GOLGA6L2: variants seen among roughly 807,000 people sequenced by gnomAD.
The protein encoded by GOLGA6L2 is golgin subfamily A member 6-like protein 2.
GOLGA6L2 carries 30 observed loss-of-function variants against 35.9 expected under a neutral mutation model. The ratio of observed to expected loss-of-function variants is 0.83; its 90% CI spans 0.62 to 1.13. The LOEUF (loss-of-function observed/expected upper bound fraction) is 1.13, where lower values mean the gene tolerates loss of function less well. Ranked by LOEUF, GOLGA6L2 falls within the 50% of genes most tolerant of loss-of-function variation. The pLI, the probability that GOLGA6L2 is intolerant of heterozygous loss-of-function variation, is 0.00. For missense variants in GOLGA6L2, 821 were observed against 973.4 expected (o/e 0.84, Z 2.08); for synonymous variants, 297 against 344.0 (o/e 0.86, Z 1.51).
In GOLGA6L2 at chr15:23,443,550, G is replaced by A. The variant is rs2070722417; in HGVS notation, c.591+227C>T. On this transcript the variant is annotated intron_variant, in intron 5 of 7. Transcript: ENST00000567107. ...CAAGTATGGGCAGGGCAGGCTCTTG[G>A]CCTTGGAGCTCTGTGTCCAGTGCTC... 5.3e-5 allele frequency among the ~76,000 whole-genome samples: 8 copies of A among 152,292 alleles called. No individual in the cohort carries two copies. The South Asian group carries it at 1.7e-3, about 32-fold the overall frequency.
At position 23,441,499 on chromosome 15, in the gene GOLGA6L2, G is replaced by A; in HGVS notation, c.976C>T (p.Gln326Ter). 1.4e-6 allele frequency: 2 copies of A among 1,398,400 alleles called. No homozygotes were observed. The highest frequency in any genetic ancestry group is 9.6e-7 in the Non-Finnish European group (1 of 1,046,648). 86.6% of individuals were successfully genotyped at this position (1,398,400 alleles called of 1,614,324 possible). The change falls in exon 8 of 8, where the codon CAG (glutamine) becomes TAG (stop). Residue 326 changes from glutamine (Q) to a stop codon, truncating the protein, a stop_gained. Coordinates refer to ENST00000567107, the MANE Select transcript of GOLGA6L2 (RefSeq NM_001304388.2). LOFTEE classifies it low-confidence loss of function (END_TRUNC). ...TCCTGCTCCCGCAGCTCCTTCTCCT[G>A]CTCTCGCAGCCTCTTCTCCTGTCTC... is the stretch of plus-strand genomic sequence containing the variant. ...MRRQEKRLRE[Q>*]EKELREQEKE...
intron 7 of GOLGA6L2, 65 bp from the exon 8 acceptor site, chr15:23,441,747 C>G (rs1346586182): frequency 7.0e-7 from 1 of 1,426,586 alleles, no homozygotes; most frequent in Non-Finnish European, 9.2e-7. Context: ...CAGTTTTCAT[C>G]TATGATTCTT....
At position 23,439,679 on chromosome 15, in the gene GOLGA6L2, T is replaced by C. The variant is rs768195341; in HGVS notation, c.*66A>G. ...CTGCATGATCTCCTGTGCAGTGGGG[T>C]TGTCCTGCGGAGAACCCTCCCCAGC... is the stretch of plus-strand genomic sequence containing the variant. On this transcript the variant is annotated 3_prime_UTR_variant, in exon 8 of 8. Transcript: ENST00000567107. 2.4e-5 allele frequency: 37 copies of C among 1,537,220 alleles called. 1 individual carries two copies. The African/African-American group carries it at 4.5e-4, about 19-fold the overall frequency.
Position 23,440,543 on chromosome 15 carries a change from TC to T in GOLGA6L2, c.1931del (p.Gly644GlufsTer334). ...GAGEEDAGGGGDDAGAGGEDA... is the reference protein window; with the variant it reads ...GAGEEDAGGGXDDAGAGGEDA... ...CTTCTCCTCCTGCTCCCGCATCATC[TC>T]CTCCTCCTCCCGCATCTTCTTCTCC... On this transcript the variant is annotated frameshift_variant, in exon 8 of 8. Transcript: ENST00000567107. LOFTEE classifies it low-confidence loss of function (END_TRUNC). 1 of 1,258,422 alleles carries T rather than the reference TC, an allele frequency of 7.9e-7. No individual in the cohort carries two copies. The allele number at this position is 1,258,422 out of a possible 1,614,324, so 78.0% of individuals were successfully genotyped here.
At position 23,439,467 on chromosome 15, in the gene GOLGA6L2, A is replaced by G; in HGVS notation, c.*278T>C. 1.6e-6 allele frequency: 1 copy of G among 609,260 alleles called. No individual in the cohort carries two copies. The highest frequency in any genetic ancestry group is 2.4e-6 in the Non-Finnish European group (1 of 409,446). The allele number at this position is 609,260 out of a possible 1,614,324, so 37.7% of individuals were successfully genotyped here. ...CTTTTCTTTTTTTTTTTTTTTTTCAAGTTTGTGCTCAGACTATATTCACAC... is the reference window on the plus strand; with the variant it reads ...CTTTTCTTTTTTTTTTTTTTTTTCAGGTTTGTGCTCAGACTATATTCACAC... On this transcript the variant is annotated 3_prime_UTR_variant, in exon 8 of 8. Transcript: ENST00000567107.
intron 3 of GOLGA6L2, 36 bp from the exon 4 acceptor site, chr15:23,444,248 G>T (rs763636293): frequency 5.0e-6 from 8 of 1,595,844 alleles, no homozygotes; most frequent in East Asian, 2.2e-5. Flanking sequence ...TTACTAGGGG[G>T]AGGCAGAGAT....
chr15:23,446,388 G>T (rs1314482372), intron 1 of GOLGA6L2, among the ~76,000 whole-genome samples: 1 of 152,148 alleles, frequency 6.6e-6, no homozygotes. Context: ...AGGTCACATG[G>T]TCCCTACTCC....
In GOLGA6L2 at chr15:23,443,809, C is replaced by A. The variant is rs191130285; in HGVS notation, c.559G>T (p.Ala187Ser). The change falls in exon 5 of 8, where the codon GCT becomes TCT. Residue 187 changes from alanine (A) to serine (S), a missense_variant. Ala to Ser is a moderately conservative substitution (Grantham distance 99). This residue lies in a region of GOLGA6L2 where 614 missense variants were observed against 632.3 expected (regional missense o/e 0.97). Coordinates refer to ENST00000567107, the MANE Select transcript of GOLGA6L2 (RefSeq NM_001304388.2). ...FAGELQRALS[A>S]VSTWHKKADR... Reference sequence around the variant, plus strand: ...GCCTTCTTGTGCCATGTGGACACAGCAGAGAGAGCCCGCTGTAACTCTCCT... The same window carrying A: ...GCCTTCTTGTGCCATGTGGACACAGAAGAGAGAGCCCGCTGTAACTCTCCT... 1 of 1,539,200 alleles carries A rather than the reference C, an allele frequency of 6.5e-7. No homozygotes were observed. Among genetic ancestry groups the A allele is most frequent in the Non-Finnish European group, 8.7e-7 (1 of 1,148,638 alleles).
At chr15:23,443,533 G>C (rs1161988871) in intron 5 of GOLGA6L2, among the ~76,000 whole-genome samples, 1 of 152,148 alleles carries the variant, frequency 6.6e-6, no homozygotes, top group Non-Finnish European at 1.5e-5. Context: ...GCCAAGTATG[G>C]GCAGGGCAGG....
Position 23,443,401 on chromosome 15 carries a change from C to T in GOLGA6L2, c.591+376G>A, listed in dbSNP as rs566196388. Reference sequence around the variant, plus strand: ...GTACACACACACACACACACACACACGCACATGCACACTTATGTGTGTTCC... The same window carrying T: ...GTACACACACACACACACACACACATGCACATGCACACTTATGTGTGTTCC... On this transcript the variant is annotated intron_variant, in intron 5 of 7. Coordinates refer to ENST00000567107, the MANE Select transcript of GOLGA6L2 (RefSeq NM_001304388.2). Among the ~76,000 whole-genome samples the T allele has an allele frequency of 6.1e-3, 925 of 151,824 alleles. 8 individuals carry two copies. The highest frequency in any genetic ancestry group is 0.021 in the African/African-American group (870 of 41,412).
rs1219656027 is a variant in GOLGA6L2, at chr15:23,440,827, C to A, written c.1648G>T (p.Glu550Ter). 3 of 1,520,790 alleles carry A rather than the reference C, an allele frequency of 2.0e-6. No homozygotes were observed. Among genetic ancestry groups the A allele is most frequent in the East Asian group, 5.0e-5 (2 of 39,780 alleles). 94.2% of individuals were successfully genotyped at this position (1,520,790 alleles called of 1,614,324 possible). Residue 550 changes from glutamate (E) to a stop codon, truncating the protein, a stop_gained, in exon 8 of 8, where the codon GAG becomes TAG. Coordinates refer to ENST00000567107, the MANE Select transcript of GOLGA6L2 (RefSeq NM_001304388.2). LOFTEE classifies it low-confidence loss of function (END_TRUNC). ...TCTGCTTCTCCTGCTCCTGCAGCCT[C>A]TCCTCCTGTCTCCACATCTTCCTGC... ...REQEDVETGG[E>*]AAGAGEADVG...
At position 23,446,981 on chromosome 15, in the gene GOLGA6L2, G is replaced by C. The variant is rs550710410; in HGVS notation, c.84+117C>G. ...TTGATTGGGGGAGCCCAGCGGCACT[G>C]GGGGGGACCCAGCCCAGTGTGCCTC... On this transcript the variant is annotated intron_variant, in intron 1 of 7. Coordinates refer to ENST00000567107, the MANE Select transcript of GOLGA6L2 (RefSeq NM_001304388.2). 93 of 582,414 alleles carry C rather than the reference G, an allele frequency of 1.6e-4. No homozygotes were observed. The Middle Eastern group carries it at 2.1e-3, about 13-fold the overall frequency. 36.1% of individuals were successfully genotyped at this position (582,414 alleles called of 1,614,324 possible).
In GOLGA6L2 at chr15:23,439,912, G is replaced by T. The variant is rs112383936; in HGVS notation, c.2563C>A (p.Pro855Thr). 1 of 1,097,328 alleles carries T rather than the reference G, an allele frequency of 9.1e-7. No homozygotes were observed. The highest frequency in any genetic ancestry group is 3.5e-5 in the African/African-American group (1 of 28,414). 68.0% of individuals were successfully genotyped at this position (1,097,328 alleles called of 1,614,324 possible). A position where few individuals can be genotyped will look rare whatever the true frequency, so the allele number is the denominator to read the frequency against. Reference sequence around the variant, plus strand: ...CCTGCCCCCACATCTTCTCCTCCTGGCCCCACATCTTCTCCTCCTGGCCCC... The same window carrying T: ...CCTGCCCCCACATCTTCTCCTCCTGTCCCCACATCTTCTCCTCCTGGCCCC... ...DAGPGGEDVG[P>T]GGEDVGAGGE... The change falls in exon 8 of 8, where the codon CCA becomes ACA. Residue 855 changes from proline to threonine, a missense_variant. Pro to Thr is a conservative substitution (Grantham distance 38, BLOSUM62 -1). Coordinates refer to ENST00000567107, the MANE Select transcript of GOLGA6L2 (RefSeq NM_001304388.2).
chr15:23,439,476 T>A lies in GOLGA6L2; in HGVS notation c.*269A>T. On this transcript the variant is annotated 3_prime_UTR_variant, in exon 8 of 8. Transcript: ENST00000567107. ...TTTTTTTTTTTTTTCAAGTTTGTGC[T>A]CAGACTATATTCACACAGTGACATG... 6.2e-5 allele frequency: 37 copies of A among 601,110 alleles called. No homozygotes were observed. Among genetic ancestry groups the A allele is most frequent in the Non-Finnish European group, 9.1e-5 (34 of 373,046 alleles). The allele number at this position is 601,110 out of a possible 1,614,324, so 37.2% of individuals were successfully genotyped here.
At chr15:23,446,984 G>A in intron 1 of GOLGA6L2, 114 bp downstream of exon 1, 1 of 605,680 alleles carries the variant, frequency 1.7e-6, no homozygotes, top group Middle Eastern at 3.4e-4. Context: ...CGGCACTGGG[G>A]GGGACCCAGC....
At position 23,441,107 on chromosome 15, in the gene GOLGA6L2, C is replaced by CCTCTTCCCGCATCTTCTTT. The variant is rs770609173; in HGVS notation, c.1367_1368insAAAGAAGATGCGGGAAGAG (p.Thr465AspfsTer188). The CCTCTTCCCGCATCTTCTTT allele has an allele frequency of 1.3e-6, 2 of 1,530,498 alleles. No individual in the cohort carries two copies. 94.8% of individuals were successfully genotyped at this position (1,530,498 alleles called of 1,614,324 possible). A position where few individuals can be genotyped will look rare whatever the true frequency, so the allele number is the denominator to read the frequency against. ...TCTCCTCCTCTTCCCGCATCTTCTT[C>CCTCTTCCCGCATCTTCTTT]TCCCGCTCCCGTATCCTCTCCTCCT... On this transcript the variant is annotated frameshift_variant, in exon 8 of 8. Transcript: ENST00000567107. LOFTEE classifies it low-confidence loss of function (END_TRUNC).
Position 23,439,696 on chromosome 15 carries a change from C to G in GOLGA6L2, c.*49G>C. 6.5e-7 allele frequency: 1 copy of G among 1,537,294 alleles called. No individual in the cohort carries two copies. Among genetic ancestry groups the G allele is most frequent in the Admixed American group, 2.0e-5 (1 of 51,038 alleles). ...CAGTGGGGTTGTCCTGCGGAGAACC[C>G]TCCCCAGCCTCTCCTCCTGCAGGCT... On this transcript the variant is annotated 3_prime_UTR_variant, in exon 8 of 8. Coordinates refer to ENST00000567107, the MANE Select transcript of GOLGA6L2 (RefSeq NM_001304388.2).
At chr15:23,445,081 C>CATGT (rs1185318461) in intron 2 of GOLGA6L2, among the ~76,000 whole-genome samples, 1 of 82,970 alleles carries the variant, frequency 1.2e-5, no homozygotes, top group East Asian at 4.1e-4. Context: ...AAGCTTCACA[C>CATGT]ATGTAAGTAA....
At position 23,440,830 on chromosome 15, in the gene GOLGA6L2, C is replaced by T. The variant is rs1438510724; in HGVS notation, c.1645G>A (p.Gly549Arg). The stretch of plus-strand genomic sequence containing the variant: ...GCTTCTCCTGCTCCTGCAGCCTCTC[C>T]TCCTGTCTCCACATCTTCCTGCTCC... ...MREQEDVETG[G>R]EAAGAGEADV... The change falls in exon 8 of 8, where the codon GGA (glycine) becomes AGA (arginine). Residue 549 changes from glycine to arginine, a missense_variant. This residue lies in a region of GOLGA6L2 where 614 missense variants were observed against 632.3 expected (regional missense o/e 0.97). Coordinates refer to ENST00000567107, the MANE Select transcript of GOLGA6L2 (RefSeq NM_001304388.2). The T allele has an allele frequency of 2.0e-6, 3 of 1,519,788 alleles. No homozygotes were observed. Among genetic ancestry groups the T allele is most frequent in the South Asian group, 2.4e-5 (2 of 81,878 alleles). 94.1% of individuals were successfully genotyped at this position (1,519,788 alleles called of 1,614,324 possible).
Sources: gnomAD v4.1 joint callset for allele counts (sites outside exome capture counted in the v4.1 genomes callset) on GRCh38, gnomAD v4.1.1 for gene constraint, gnomAD v4.1.1 regional missense constraint, MANE v1.5 for transcripts, NCBI Gene and HGNC (gene_info 2026-07-23, HGNC 2026-07-21) for gene names.